The following AOAH variants were observed in gnomAD, a reference collection of about 807,000 sequenced individuals.
AOAH encodes the protein acyloxyacyl hydrolase (neutrophil).
In AOAH, 64 loss-of-function variants were observed where a neutral mutation model predicts 92.2. The ratio of observed to expected loss-of-function variants is 0.69; its 90% CI spans 0.57 to 0.86. The LOEUF is 0.86. Among genes scored for constraint, AOAH ranks in the 40% least tolerant of loss-of-function variants. The pLI, the probability that AOAH is intolerant of heterozygous loss-of-function variation, is 0.00. For missense variants in AOAH, 656 were observed against 694.6 expected (o/e 0.94, Z 0.62); for synonymous variants, 263 against 254.5 (o/e 1.03, Z -0.32).
chr7:36,723,523 A>G (rs1268155757), intron 1 of AOAH, among the ~76,000 whole-genome samples: 3 of 152,278 alleles, frequency 2.0e-5, no homozygotes, highest in East Asian at 1.9e-4. Flanking sequence ...CATGGTCACA[A>G]TTTCCATGGT....
intron 3 of AOAH, among the ~76,000 whole-genome samples, chr7:36,661,756 C>A (rs1298884679): frequency 6.6e-6 from 1 of 152,070 alleles, no homozygotes; most frequent in Non-Finnish European, 1.5e-5. Flanking sequence ...CCTTTTAATC[C>A]CTGGCCTGAA....
intron 20 of AOAH, 128 bp downstream of exon 20, chr7:36,521,911 T>C: frequency 2.7e-6 from 2 of 746,982 alleles, no homozygotes; most frequent in Non-Finnish European, 4.6e-6. Flanking sequence ...CCTATACATG[T>C]ATGTACACTA....
chr7:36,722,828 G>A (rs770563331), intron 1 of AOAH, among the ~76,000 whole-genome samples: 4 of 147,694 alleles, frequency 2.7e-5, no homozygotes, highest in South Asian at 4.4e-4. Flanking sequence ...CAGCTACTCC[G>A]AAGGCTGAGG....
At chr7:36,622,844 G>A (rs896127876) in intron 7 of AOAH, among the ~76,000 whole-genome samples, 1 of 152,174 alleles carries the variant, frequency 6.6e-6, no homozygotes, top group African/African-American at 2.4e-5. Flanking sequence ...TCAGGAGTTT[G>A]AGACCAGCCT....
rs116780787 is a variant in AOAH, at chr7:36,718,799, G to A, written c.127+5223C>T. ...AGGGCTATAGAGAGAAGGAAATGGG[G>A]AGTAAATGCTAAGAGAATTGGATTT... On this transcript the variant is annotated intron_variant, in intron 1 of 20. Coordinates refer to ENST00000617537, the MANE Select transcript of AOAH (RefSeq NM_001637.4). Among the ~76,000 whole-genome samples the A allele has an allele frequency of 7.6e-4, 116 of 152,286 alleles. 1 individual carries two copies. Among genetic ancestry groups the A allele is most frequent in the African/African-American group, 2.7e-3 (111 of 41,568 alleles).
intron 4 of AOAH, among the ~76,000 whole-genome samples, chr7:36,641,346 G>A (rs1793900141): frequency 6.6e-6 from 1 of 152,152 alleles, no homozygotes; most frequent in Admixed American, 6.5e-5. Flanking sequence ...GCCCCCTTTG[G>A]ATAATTTTCC....
rs1424438590 is a variant in AOAH, at chr7:36,724,446, G to T, written c.-298C>A. ...GCTGAGGTAAAGACTGCAGGATAAAGAAAACCCAAGTTGCACAGTGGCACA... is the reference window on the plus strand; with the variant it reads ...GCTGAGGTAAAGACTGCAGGATAAATAAAACCCAAGTTGCACAGTGGCACA... On this transcript the variant is annotated 5_prime_UTR_variant, in exon 1 of 21. Coordinates refer to ENST00000617537, the MANE Select transcript of AOAH (RefSeq NM_001637.4). The T allele has an allele frequency of 3.9e-6, 1 of 256,416 alleles. No individual in the cohort carries two copies. Among genetic ancestry groups the T allele is most frequent in the Non-Finnish European group, 8.0e-6 (1 of 125,728 alleles). 15.9% of individuals were successfully genotyped at this position (256,416 alleles called of 1,614,324 possible). A position where few individuals can be genotyped will look rare whatever the true frequency, so the allele number is the denominator to read the frequency against.
At chr7:36,575,030 T>C (rs1025090799) in intron 13 of AOAH, among the ~76,000 whole-genome samples, 4 of 152,144 alleles carry the variant, frequency 2.6e-5, no homozygotes, top group Admixed American at 1.3e-4. Flanking sequence ...TTGTGCTTTG[T>C]TTTTTATAAT....
intron 19 of AOAH, 56 bp from the exon 20 acceptor site, chr7:36,522,171 A>AT: frequency 1.3e-6 from 2 of 1,556,564 alleles, no homozygotes; most frequent in Non-Finnish European, 1.8e-6. Flanking sequence ...AACGGCCAAT[A>AT]TCCAAGGACA....
intron 4 of AOAH, among the ~76,000 whole-genome samples, chr7:36,643,518 C>T (rs1794035905): frequency 6.6e-6 from 1 of 152,106 alleles, no homozygotes; most frequent in Non-Finnish European, 1.5e-5. Flanking sequence ...GCAACCCAGG[C>T]ACAAGCATGG....
intron 4 of AOAH, among the ~76,000 whole-genome samples, chr7:36,640,945 G>A (rs1014201812): frequency 6.6e-6 from 1 of 152,138 alleles, no homozygotes; most frequent in Non-Finnish European, 1.5e-5. Flanking sequence ...TTCCAGGCTC[G>A]GAATAGCTGT....
In AOAH at chr7:36,576,570, G is replaced by A. The variant is rs778401645; in HGVS notation, c.1021+4C>T. On this transcript the variant is annotated splice_donor_region_variant and intron_variant, in intron 13 of 20. Transcript: ENST00000617537. ...GATGAAGGCTTAAATGGAAAGTTACGTACCATTTCTTGAAATATTCTGGTA... is the reference window on the plus strand; with the variant it reads ...GATGAAGGCTTAAATGGAAAGTTACATACCATTTCTTGAAATATTCTGGTA... 18 of 1,526,714 alleles carry A rather than the reference G, an allele frequency of 1.2e-5. No homozygotes were observed. The highest frequency in any genetic ancestry group is 1.7e-4 in the Middle Eastern group (1 of 5,824). 94.6% of individuals were successfully genotyped at this position (1,526,714 alleles called of 1,614,324 possible). A position where few individuals can be genotyped will look rare whatever the true frequency, so the allele number is the denominator to read the frequency against.
chr7:36,551,418 C>G (rs1786249281), intron 13 of AOAH, among the ~76,000 whole-genome samples: 1 of 152,252 alleles, frequency 6.6e-6, no homozygotes, highest in Non-Finnish European at 1.5e-5. Context: ...CAGTGGCATT[C>G]AGTTCATTTA....
intron 11 of AOAH, among the ~76,000 whole-genome samples, chr7:36,611,829 A>T (rs2115886009): frequency 6.6e-6 from 1 of 152,322 alleles, no homozygotes; most frequent in South Asian, 2.1e-4. Context: ...ACCTTAGCTC[A>T]TTGAAGCACA....
At chr7:36,603,325 C>T (rs1003418101) in intron 11 of AOAH, among the ~76,000 whole-genome samples, 1 of 152,180 alleles carries the variant, frequency 6.6e-6, no homozygotes, top group African/African-American at 2.4e-5. Flanking sequence ...CCTATCCCCG[C>T]AGACCTCCAG....
intron 13 of AOAH, among the ~76,000 whole-genome samples, chr7:36,565,359 T>A (rs1037033798): frequency 6.6e-6 from 1 of 152,220 alleles, no homozygotes; most frequent in Non-Finnish European, 1.5e-5. Context: ...AGATATTTAC[T>A]GAGTGCCTGC....
chr7:36,685,946 T>C (rs1796977378), intron 2 of AOAH, among the ~76,000 whole-genome samples: 1 of 152,140 alleles, frequency 6.6e-6, no homozygotes, highest in East Asian at 1.9e-4. Context: ...CAATCAAAGA[T>C]ACAATTGCCA....
intron 20 of AOAH, among the ~76,000 whole-genome samples, chr7:36,518,637 G>C (rs10499592): frequency 0.45 from 68,141 of 152,058 alleles, 16,441 homozygotes; most frequent in East Asian, 0.58. Context: ...CTCTGATTAA[G>C]TGGGATCTTC....
At chr7:36,559,738 A>G (rs961438649) in intron 13 of AOAH, among the ~76,000 whole-genome samples, 2 of 152,096 alleles carry the variant, frequency 1.3e-5, no homozygotes, top group African/African-American at 2.4e-5. Context: ...AAGCTCTTTA[A>G]TTAGGTCCCA....
Sources: gnomAD v4.1 joint callset for allele counts (sites outside exome capture counted in the v4.1 genomes callset) on GRCh38, gnomAD v4.1.1 for gene constraint, MANE v1.5 for transcripts, NCBI Gene and HGNC (gene_info 2026-07-23, HGNC 2026-07-21) for gene names.